The following PCDHGA1 variants were observed in gnomAD, a reference collection of about 807,000 sequenced individuals.
PCDHGA1 encodes protocadherin gamma-A1.
In PCDHGA1, 32 loss-of-function variants were observed where a neutral mutation model predicts 58.0. The ratio of observed to expected loss-of-function variants is 0.55; its 90% confidence interval spans 0.42 to 0.74. PCDHGA1 has a LOEUF of 0.74. Ranked by LOEUF, PCDHGA1 falls within the 30% of genes least tolerant of loss-of-function variation. The pLI, the probability that PCDHGA1 is intolerant of heterozygous loss-of-function variation, is 0.00. For synonymous variants in PCDHGA1, 498 were observed against 501.1 expected (o/e 0.99, Z 0.08); for missense variants, 1,205 against 1,182.3 (o/e 1.02, Z -0.28).
Position 141,333,047 on chromosome 5 carries a change from A to T in PCDHGA1, c.2363A>T (p.Lys788Met). ...TLISQESCEK[K>M]GFLSAPQSLL... ...ATCAGCCAGGAGAGCTGTGAGAAAA[A>T]GGGTTTTCTATCAGCACCCCAGTCT... The change falls in exon 1 of 4, where the codon AAG becomes ATG. Residue 788 changes from lysine (K) to methionine (M), a missense_variant. By Grantham distance (95) the Lys-to-Met change is moderately conservative. Coordinates refer to ENST00000517417, the MANE Select transcript of PCDHGA1 (RefSeq NM_018912.3). The T allele has an allele frequency of 6.2e-7, 1 of 1,614,214 alleles. No homozygotes were observed. The highest frequency in any genetic ancestry group is 8.5e-7 in the Non-Finnish European group (1 of 1,180,038).
Position 141,339,315 on chromosome 5 carries a change from CTATT to C in PCDHGA1, c.2421+6215_2421+6218del, listed in dbSNP as rs531366622. 6.8e-6 allele frequency: 11 copies of C among 1,614,236 alleles called. No individual in the cohort carries two copies. In the Admixed American group the frequency reaches 1.0e-4, roughly 15 times the overall value. On this transcript the variant is annotated intron_variant, in intron 1 of 3. Transcript: ENST00000517417. ...AACATTCTGCTGGAGGATAAATTGACTATTTATTCAGTAGAGGTGGAAATAACAG... is the reference window on the plus strand; with the variant it reads ...AACATTCTGCTGGAGGATAAATTGACTATTCAGTAGAGGTGGAAATAACAG...
At chr5:141,428,019 G>C in intron 1 of PCDHGA1, 1 of 1,604,824 alleles carries the variant, frequency 6.2e-7, no homozygotes, top group Non-Finnish European at 8.5e-7. Flanking sequence ...AGTGCCACGC[G>C]CCGCAGAGTC....
chr5:141,389,977 CAG>C (rs1303197054), intron 1 of PCDHGA1: 1 of 1,613,936 alleles, frequency 6.2e-7, no homozygotes, highest in Non-Finnish European at 8.5e-7. Flanking sequence ...GCCTTGATCT[CAG>C]TGCTCTTCCT....
Position 141,364,604 on chromosome 5 carries a change from C to G in PCDHGA1, c.2421+31499C>G, listed in dbSNP as rs370007558. On this transcript the variant is annotated intron_variant, in intron 1 of 3. Transcript: ENST00000517417. ...CTTGGTCACCGCGGGCAGGATAGAC[C>G]GGGAGGAGCTCTGCGCTCAGAGCCC... 4.1e-5 allele frequency: 66 copies of G among 1,614,044 alleles called. No individual in the cohort carries two copies. Among genetic ancestry groups the G allele is most frequent in the Non-Finnish European group, 5.3e-5 (63 of 1,180,004 alleles).
At chr5:141,375,812 C>T (rs1162133634) in intron 1 of PCDHGA1, 1 of 1,614,208 alleles carries the variant, frequency 6.2e-7, no homozygotes, top group Non-Finnish European at 8.5e-7. Context: ...TGGCGTGGAG[C>T]TGGCGCCCCG....
At chr5:141,399,644 A>C in intron 1 of PCDHGA1, 1 of 1,613,810 alleles carries the variant, frequency 6.2e-7, no homozygotes, top group Non-Finnish European at 8.5e-7. Flanking sequence ...ATGAGCGCGC[A>C]AAGTGGGGTG....
At chr5:141,400,799 G>A in intron 1 of PCDHGA1, 1 of 553,494 alleles carries the variant, frequency 1.8e-6, no homozygotes, top group Non-Finnish European at 3.2e-6. Context: ...CTTTCTCAAA[G>A]CTAATGAATT....
chr5:141,476,912 G>A lies in PCDHGA1; in HGVS notation c.2422-17895G>A, dbSNP rs1196222770. 1.9e-6 allele frequency: 3 copies of A among 1,614,098 alleles called. No homozygotes were observed. Among genetic ancestry groups the A allele is most frequent in the Non-Finnish European group, 2.5e-6 (3 of 1,180,048 alleles). On this transcript the variant is annotated intron_variant, in intron 1 of 3. Coordinates refer to ENST00000517417, the MANE Select transcript of PCDHGA1 (RefSeq NM_018912.3). The surrounding 1 kb of genome is among the most constrained non-coding windows in gnomAD (Gnocchi z 7.6). Reference sequence around the variant, plus strand: ...ACCCTCCGGCACGCGCGTGGTACAAGTCCTTGCAACGGATCTGGATGAAGG... The same window carrying A: ...ACCCTCCGGCACGCGCGTGGTACAAATCCTTGCAACGGATCTGGATGAAGG...
rs375478611 is a variant in PCDHGA1 at position 141,371,890 on chromosome 5, G to A, written c.2421+38785G>A. ...ATCGTGGCCAGTGACCTGGAGCCGC[G>A]GGAGCTGTCGTCCTACGTGTCCGTG... On this transcript the variant is annotated intron_variant, in intron 1 of 3. Coordinates refer to ENST00000517417, the MANE Select transcript of PCDHGA1 (RefSeq NM_018912.3). 7.4e-5 allele frequency: 119 copies of A among 1,613,312 alleles called. No homozygotes were observed. The highest frequency in any genetic ancestry group is 9.7e-5 in the Non-Finnish European group (114 of 1,179,910).
At chr5:141,488,991 T>G in intron 1 of PCDHGA1, 1 of 414,332 alleles carries the variant, frequency 2.4e-6, no homozygotes, top group Non-Finnish European at 4.3e-6. Flanking sequence ...AGAGCTGAGG[T>G]GGGAGATCTG....
chr5:141,415,322 T>G (rs1226384298), intron 1 of PCDHGA1: 2 of 1,614,104 alleles, frequency 1.2e-6, no homozygotes, highest in South Asian at 2.2e-5. Flanking sequence ...ATCGTGCTGC[T>G]GGCGCACAGG....
chr5:141,413,567 A>G (rs950241336), intron 1 of PCDHGA1: 2 of 1,613,936 alleles, frequency 1.2e-6, no homozygotes, highest in Admixed American at 1.7e-5. Context: ...ACTGATATCA[A>G]TGACAATGCT....
intron 1 of PCDHGA1, chr5:141,423,613 GA>G (rs1164845631): frequency 1.9e-6 from 3 of 1,610,782 alleles, no homozygotes; most frequent in Admixed American, 1.7e-5. Context: ...CTTGATAGCT[GA>G]AGACTCAGCT....
chr5:141,345,648 A>G (rs762235599), intron 1 of PCDHGA1: 1 of 1,614,204 alleles, frequency 6.2e-7, no homozygotes. Context: ...CGACAGCGGG[A>G]ACCCTCCACT....
intron 1 of PCDHGA1, among the ~76,000 whole-genome samples, chr5:141,353,535 A>G (rs1271691145): frequency 6.6e-6 from 1 of 152,196 alleles, no homozygotes; most frequent in Admixed American, 6.5e-5. Context: ...TATTTGCATC[A>G]CTAACTTTGA....
intron 1 of PCDHGA1, among the ~76,000 whole-genome samples, chr5:141,465,409 A>G (rs1037916815): frequency 3.3e-5 from 5 of 152,188 alleles, no homozygotes; most frequent in African/African-American, 4.8e-5. Flanking sequence ...AAGAAGCCAA[A>G]TCAGCACTGA....
chr5:141,375,647 T>A (rs1265306389), intron 1 of PCDHGA1: 1 of 1,614,156 alleles, frequency 6.2e-7, no homozygotes, highest in Admixed American at 1.7e-5. Flanking sequence ...CTCCTTCGAC[T>A]ATGAGCAGTT....
At chr5:141,415,386 A>G (rs1383734863) in intron 1 of PCDHGA1, 9 of 1,614,156 alleles carry the variant, frequency 5.6e-6, no homozygotes, top group Non-Finnish European at 7.6e-6. Flanking sequence ...GCGGCTTGAC[A>G]GGTGTGTCCG....
At chr5:141,500,914 G>T (rs1237339394) in intron 2 of PCDHGA1, among the ~76,000 whole-genome samples, 2 of 151,130 alleles carry the variant, frequency 1.3e-5, no homozygotes, top group Non-Finnish European at 2.9e-5. Flanking sequence ...CTGTCTCCAG[G>T]CTGGGGTGCA....
Sources: allele counts gnomAD v4.1 joint callset (sites outside exome capture counted in the v4.1 genomes callset), GRCh38; gene constraint gnomAD v4.1.1; non-coding constraint Gnocchi (gnomAD v3.1); transcripts MANE v1.5; gene names NCBI Gene and HGNC (gene_info 2026-07-23, HGNC 2026-07-21).